Variants in GRM5 observed in about 807,000 individuals in gnomAD.
GRM5 encodes glutamate metabotropic receptor 5.
Under a neutral mutation model 83.1 loss-of-function variants are expected in GRM5, and 19 were observed. The ratio of observed to expected loss-of-function variants is 0.23; its 90% CI spans 0.16 to 0.34. GRM5 has a LOEUF of 0.34. Ranked by LOEUF, GRM5 falls within the 10% of genes least tolerant of loss-of-function variation. The probability of loss-of-function intolerance (pLI) is 1.00; values close to 1 mark genes in which losing one functional copy is unlikely to be tolerated. For missense variants in GRM5, 1,160 were observed against 1,588.3 expected (o/e 0.73, Z 4.58); for synonymous variants, 675 against 633.6 (o/e 1.07, Z -0.98).
intron 3 of GRM5, among the ~76,000 whole-genome samples, chr11:88,713,271 T>C (rs1372525485): frequency 6.6e-6 from 1 of 152,094 alleles, no homozygotes; most frequent in Non-Finnish European, 1.5e-5. Flanking sequence ...GGGATGTTCA[T>C]GGCTTATTAC....
intron 3 of GRM5, among the ~76,000 whole-genome samples, chr11:88,725,674 G>A (rs1038420845): frequency 6.6e-6 from 1 of 152,248 alleles, no homozygotes; most frequent in Admixed American, 6.5e-5. Flanking sequence ...ATGGGATGAG[G>A]CTTCCAGAGG....
chr11:89,016,151 A>G (rs1165366222), intron 2 of GRM5, among the ~76,000 whole-genome samples: 1 of 150,878 alleles, frequency 6.6e-6, no homozygotes, highest in East Asian at 1.9e-4. Flanking sequence ...CATGTAAATT[A>G]TATCTATATA....
At chr11:88,701,518 T>C (rs1195811774) in intron 3 of GRM5, among the ~76,000 whole-genome samples, 1 of 152,150 alleles carries the variant, frequency 6.6e-6, no homozygotes, top group African/African-American at 2.4e-5. Flanking sequence ...GTGGGGCCTG[T>C]AGTTTGTTCC....
In GRM5 at chr11:88,701,170, A is replaced by G. The variant is rs558962707; in HGVS notation, c.912-47767T>C. On this transcript the variant is annotated intron_variant, in intron 3 of 9. Coordinates refer to ENST00000305447, the MANE Select transcript of GRM5 (RefSeq NM_001143831.3). ...CAGCCACTGTAGGCTTCTTGAATGA[A>G]GAAGTCAACAAGCAAGGAAAGAAAC... is the stretch of plus-strand genomic sequence containing the variant. Among the ~76,000 whole-genome samples the G allele has an allele frequency of 9.5e-4, 145 of 152,294 alleles. 2 individuals carry two copies. The highest frequency in any genetic ancestry group is 3.4e-3 in the Middle Eastern group (1 of 294).
intron 2 of GRM5, among the ~76,000 whole-genome samples, chr11:88,908,198 C>T (rs1333541834): frequency 6.6e-6 from 1 of 152,086 alleles, no homozygotes; most frequent in East Asian, 1.9e-4. Flanking sequence ...CATGAAAATA[C>T]TTGTCAACTT....
chr11:88,525,044 G>T (rs1356863064), intron 9 of GRM5, among the ~76,000 whole-genome samples: 1 of 152,182 alleles, frequency 6.6e-6, no homozygotes, highest in Non-Finnish European at 1.5e-5. Flanking sequence ...CCCAGAGGAG[G>T]ACTGACTGTG....
intron 2 of GRM5, among the ~76,000 whole-genome samples, chr11:88,916,843 T>C (rs1303733027): frequency 6.6e-6 from 1 of 152,086 alleles, no homozygotes; most frequent in Non-Finnish European, 1.5e-5. Context: ...ATCTAATCCA[T>C]AAAGACCCCA....
At chr11:88,566,938 C>T in intron 8 of GRM5, 115 bp downstream of exon 8, 2 of 671,284 alleles carry the variant, frequency 3.0e-6, no homozygotes, top group South Asian at 4.1e-5. Flanking sequence ...CGTAAGTCAC[C>T]CTGCCTCACA....
rs1406429006 is a variant in GRM5, at chr11:88,522,601, CTCTGTGTGTG to C, written c.2726+2698_2726+2707del. ...TCTCTCTCTCTCGCTCTCTCTCTCTCTCTGTGTGTGTGTGTGTGTGTGTGTGTGTGTGTGT... is the reference window on the plus strand; with the variant it reads ...TCTCTCTCTCTCGCTCTCTCTCTCTCTGTGTGTGTGTGTGTGTGTGTGTGT... On this transcript the variant is annotated intron_variant, in intron 9 of 9. Coordinates refer to ENST00000305447, the MANE Select transcript of GRM5 (RefSeq NM_001143831.3). 2.1e-4 allele frequency among the ~76,000 whole-genome samples: 20 copies of C among 93,604 alleles called. No individual in the cohort carries two copies. In the South Asian group the frequency reaches 3.1e-3, roughly 15 times the overall value. The allele number at this position is 93,604 out of a possible 152,430, so 61.4% of individuals were successfully genotyped here.
intron 2 of GRM5, among the ~76,000 whole-genome samples, chr11:88,863,168 G>A (rs1486280986): frequency 6.6e-6 from 1 of 152,114 alleles, no homozygotes; most frequent in African/African-American, 2.4e-5. Flanking sequence ...TGGTGGGAAT[G>A]TAAATTATTT....
At chr11:88,751,205 C>A (rs1279006397) in intron 3 of GRM5, among the ~76,000 whole-genome samples, 1 of 150,870 alleles carries the variant, frequency 6.6e-6, no homozygotes, top group African/African-American at 2.4e-5. Context: ...AAACAGACCA[C>A]TAGCTAGATT....
chr11:88,641,370 A>G (rs1371700473), intron 4 of GRM5, among the ~76,000 whole-genome samples: 1 of 151,868 alleles, frequency 6.6e-6, no homozygotes, highest in Non-Finnish European at 1.5e-5. Context: ...AGATTTAGAG[A>G]GGACACATTA....
chr11:88,841,419 C>G (rs1268985642), intron 3 of GRM5, among the ~76,000 whole-genome samples: 2 of 152,140 alleles, frequency 1.3e-5, no homozygotes, highest in African/African-American at 4.8e-5. Context: ...AGTAAGTCAT[C>G]CTTTAATGAC....
At chr11:88,651,430 C>T (rs1032442978) in intron 4 of GRM5, among the ~76,000 whole-genome samples, 1 of 151,986 alleles carries the variant, frequency 6.6e-6, no homozygotes, top group African/African-American at 2.4e-5. Context: ...AGAACTCCTT[C>T]AATGAAGCTA....
At chr11:88,837,130 C>A (rs1944107818) in intron 3 of GRM5, among the ~76,000 whole-genome samples, 1 of 152,156 alleles carries the variant, frequency 6.6e-6, no homozygotes, top group Non-Finnish European at 1.5e-5. Flanking sequence ...GAAACATTTT[C>A]AGAATCACCT....
intron 1 of GRM5, among the ~76,000 whole-genome samples, chr11:89,062,728 C>G (rs1297659888): frequency 6.6e-6 from 1 of 152,220 alleles, no homozygotes; most frequent in Non-Finnish European, 1.5e-5. Flanking sequence ...AATTCGAGTA[C>G]CAGGTGAAAG....
chr11:88,670,076 A>G (rs1415137719), intron 3 of GRM5, among the ~76,000 whole-genome samples: 1 of 152,056 alleles, frequency 6.6e-6, no homozygotes, highest in African/African-American at 2.4e-5. Flanking sequence ...AAATTATGGG[A>G]CCAATAGAAC....
At chr11:88,956,588 C>T (rs1318987067) in intron 2 of GRM5, among the ~76,000 whole-genome samples, 1 of 151,934 alleles carries the variant, frequency 6.6e-6, no homozygotes, top group Non-Finnish European at 1.5e-5. Context: ...GGGCAGATCA[C>T]GAGGTCAGGA....
At chr11:88,563,247 A>T (rs1015777015) in intron 8 of GRM5, among the ~76,000 whole-genome samples, 1 of 152,214 alleles carries the variant, frequency 6.6e-6, no homozygotes, top group Non-Finnish European at 1.5e-5. Context: ...AAAGTGCCTT[A>T]TTCAAATTCA....
Sources: gnomAD v4.1 joint callset for allele counts (sites outside exome capture counted in the v4.1 genomes callset) on GRCh38, gnomAD v4.1.1 for gene constraint, MANE v1.5 for transcripts, NCBI Gene and HGNC (gene_info 2026-07-23, HGNC 2026-07-21) for gene names.